Variants in MTUS1 observed in about 807,000 individuals in gnomAD.
The protein encoded by MTUS1 is microtubule-associated tumor suppressor 1.
A neutral mutation model predicts 120.8 loss-of-function variants in MTUS1; 109 were observed. The ratio of observed to expected loss-of-function variants is 0.90; its 90% CI spans 0.77 to 1.06. The LOEUF is 1.06. Ranked by LOEUF, MTUS1 falls within the 50% of genes least tolerant of loss-of-function variation. The probability of loss-of-function intolerance (pLI) is 0.00; values close to 1 mark genes in which losing one functional copy is unlikely to be tolerated. For missense variants in MTUS1, 2,210 were observed against 1,486.3 expected (o/e 1.49, Z -8.01); for synonymous variants, 737 against 550.5 (o/e 1.34, Z -4.74).
chr8:17,762,365 C>T (rs1563347814), intron 1 of MTUS1, among the ~76,000 whole-genome samples: 1 of 152,194 alleles, frequency 6.6e-6, no homozygotes, highest in Non-Finnish European at 1.5e-5. Context: ...ATTCATAAGA[C>T]TCCACCTCCT....
chr8:17,734,749 G>T (rs1427907231), intron 3 of MTUS1, among the ~76,000 whole-genome samples: 1 of 152,134 alleles, frequency 6.6e-6, no homozygotes, highest in Middle Eastern at 3.2e-3. Flanking sequence ...ATGTTCACCA[G>T]CAAATTTATT....
intron 1 of MTUS1, among the ~76,000 whole-genome samples, chr8:17,784,567 T>C (rs2051144960): frequency 6.6e-6 from 1 of 152,098 alleles, no homozygotes; most frequent in Admixed American, 6.5e-5. Context: ...AGTATTGGGA[T>C]TACAGGCATG....
chr8:17,678,333 T>A (rs1813536809), intron 7 of MTUS1, among the ~76,000 whole-genome samples: 2 of 152,200 alleles, frequency 1.3e-5, no homozygotes, highest in South Asian at 4.2e-4. Flanking sequence ...ATTCTCTTTG[T>A]ATTGTAACAT....
chr8:17,723,851 A>G lies in MTUS1; in HGVS notation c.2288-18T>C, dbSNP rs756401784. ...AGGCTTTCCTTGGGGTTTAAAAAAA[A>G]CAAAAAGTTTCCAGTGCTATTCATC... is the stretch of plus-strand genomic sequence containing the variant. On this transcript the variant is annotated intron_variant, in intron 3 of 14. Coordinates refer to ENST00000693296, the MANE Select transcript of MTUS1 (RefSeq NM_001363059.2). 18 of 1,535,384 alleles carry G rather than the reference A, an allele frequency of 1.2e-5. No individual in the cohort carries two copies. In the South Asian group the frequency reaches 1.9e-4, roughly 16 times the overall value.
intron 2 of MTUS1, among the ~76,000 whole-genome samples, chr8:17,751,787 G>T (rs2048212902): frequency 6.6e-6 from 1 of 150,758 alleles, no homozygotes; most frequent in African/African-American, 2.4e-5. Context: ...GAACCTGGGA[G>T]GCGGAGGTTG....
At chr8:17,751,296 TCAAAGAA>T (rs756615978) in intron 2 of MTUS1, among the ~76,000 whole-genome samples, 7 of 151,990 alleles carry the variant, frequency 4.6e-5, no homozygotes, top group Non-Finnish European at 7.4e-5. Flanking sequence ...AGACTCCATC[TCAAAGAA>T]AAAGAAAATT....
At chr8:17,675,020 C>T in intron 8 of MTUS1, 166 bp downstream of exon 8, 1 of 1,418,962 alleles carries the variant, frequency 7.0e-7, no homozygotes, top group Non-Finnish European at 9.2e-7. Flanking sequence ...GTCAAGCTGC[C>T]AAGATTCAAA....
intron 8 of MTUS1, among the ~76,000 whole-genome samples, chr8:17,667,151 C>A (rs554449859): frequency 6.6e-6 from 1 of 152,248 alleles, no homozygotes; most frequent in East Asian, 1.9e-4. Context: ...AGAACATGGC[C>A]TTTTACTTAT....
At chr8:17,786,097 G>A (rs1230643962) in intron 1 of MTUS1, among the ~76,000 whole-genome samples, 1 of 152,136 alleles carries the variant, frequency 6.6e-6, no homozygotes, top group African/African-American at 2.4e-5. Context: ...CCAAGACTGT[G>A]CCAAAGCACT....
intron 8 of MTUS1, chr8:17,664,220 T>A (rs1397388368): frequency 6.6e-6 from 1 of 152,224 alleles, no homozygotes; most frequent in Non-Finnish European, 1.5e-5. Context: ...CTTCCGCTAC[T>A]ATTGTTCTTG....
chr8:17,757,633 C>A (rs1432112924), intron 1 of MTUS1, among the ~76,000 whole-genome samples: 6 of 152,156 alleles, frequency 3.9e-5, no homozygotes, highest in Non-Finnish European at 7.3e-5. Flanking sequence ...TTCAGGCAAT[C>A]TTCCTGCCTC....
chr8:17,736,197 A>C (rs2131212587), intron 3 of MTUS1, among the ~76,000 whole-genome samples: 1 of 152,346 alleles, frequency 6.6e-6, no homozygotes, highest in Non-Finnish European at 1.5e-5. Flanking sequence ...ATTACTGCCA[A>C]GTAAGAATTG....
chr8:17,661,482 G>C (rs748182190), intron 8 of MTUS1, among the ~76,000 whole-genome samples: 3 of 152,168 alleles, frequency 2.0e-5, no homozygotes, highest in African/African-American at 7.2e-5. Flanking sequence ...CGAAGCTGAC[G>C]TTAATAGCAG....
chr8:17,689,198 A>G (rs1279002829), intron 6 of MTUS1, among the ~76,000 whole-genome samples: 6 of 152,104 alleles, frequency 3.9e-5, no homozygotes, highest in Non-Finnish European at 7.4e-5. Context: ...GTGACAGAGC[A>G]AGACTCCGTT....
intron 3 of MTUS1, among the ~76,000 whole-genome samples, chr8:17,741,013 C>A (rs1209122557): frequency 6.6e-6 from 1 of 152,136 alleles, no homozygotes; most frequent in Non-Finnish European, 1.5e-5. Flanking sequence ...TTACAGTCAC[C>A]TGCCACCACC....
In MTUS1 at chr8:17,653,487, C is replaced by T; in HGVS notation, c.3226G>A (p.Gly1076Ser). The T allele has an allele frequency of 6.2e-7, 1 of 1,610,494 alleles. No homozygotes were observed. The highest frequency in any genetic ancestry group is 8.5e-7 in the Non-Finnish European group (1 of 1,178,152). ...AGCGATTTCTTTTCTATTTCATGGC[C>T]TTTCTTAATTTCTGGGAAAATAAAC... Reference protein sequence around the residue: ...YEASLSEIKKGHEIEKKSLED... With the variant: ...YEASLSEIKKSHEIEKKSLED... The change falls in exon 11 of 15, where the codon GGC becomes AGC. Residue 1076 changes from glycine to serine, a missense_variant. Physicochemically the swap from Gly to Ser is moderately conservative, Grantham distance 56. Coordinates refer to ENST00000693296, the MANE Select transcript of MTUS1 (RefSeq NM_001363059.2).
At chr8:17,750,300 A>G (rs2048092471) in intron 2 of MTUS1, among the ~76,000 whole-genome samples, 1 of 152,184 alleles carries the variant, frequency 6.6e-6, no homozygotes, top group South Asian at 2.1e-4. Flanking sequence ...ACTAACAAAG[A>G]TCTTCTGTCT....
At chr8:17,761,325 A>C (rs1211726500) in intron 1 of MTUS1, among the ~76,000 whole-genome samples, 1 of 152,224 alleles carries the variant, frequency 6.6e-6, no homozygotes, top group African/African-American at 2.4e-5. Flanking sequence ...GACACACCTA[A>C]AGAACTGAAT....
chr8:17,697,479 G>A, intron 6 of MTUS1: 1 of 1,477,416 alleles, frequency 6.8e-7, no homozygotes, highest in Non-Finnish European at 9.1e-7. Flanking sequence ...AAGAAATACA[G>A]TCAGAGGAAA....
Sources: allele counts gnomAD v4.1 joint callset (sites outside exome capture counted in the v4.1 genomes callset), GRCh38; gene constraint gnomAD v4.1.1; transcripts MANE v1.5; gene names NCBI Gene and HGNC (gene_info 2026-07-23, HGNC 2026-07-21).